Variants in DCTN4 observed in about 807,000 individuals in gnomAD.
DCTN4 encodes the protein dynactin subunit 4.
In DCTN4, 23 loss-of-function variants were observed where a neutral mutation model predicts 62.7. The observed-to-expected ratio is 0.37, with a 90% CI of 0.26 to 0.52. The LOEUF (loss-of-function observed/expected upper bound fraction) is 0.52, where lower values mean the gene tolerates loss of function less well. Ranked by LOEUF, DCTN4 falls within the 20% of genes least tolerant of loss-of-function variation. The probability of loss-of-function intolerance (pLI) is 0.92; values close to 1 mark genes in which losing one functional copy is unlikely to be tolerated. For synonymous variants in DCTN4, 199 were observed against 202.1 expected (o/e 0.98, Z 0.13); for missense variants, 514 against 580.4 (o/e 0.89, Z 1.18).
intron 5 of DCTN4, chr5:150,731,946 A>C (rs1439344742): frequency 1.3e-6 from 2 of 1,545,830 alleles, no homozygotes; most frequent in Non-Finnish European, 1.8e-6. Context: ...CAACAGAGAC[A>C]AAAAATGCAG....
chr5:150,728,386 G>A (rs1358381905), intron 8 of DCTN4, among the ~76,000 whole-genome samples: 1 of 151,918 alleles, frequency 6.6e-6, no homozygotes, highest in Non-Finnish European at 1.5e-5. Flanking sequence ...GCAGACATTG[G>A]GTACAGTAGT....
At chr5:150,741,696 G>A (rs1357685736) in intron 4 of DCTN4, among the ~76,000 whole-genome samples, 1 of 146,826 alleles carries the variant, frequency 6.8e-6, no homozygotes, top group Non-Finnish European at 1.5e-5. Flanking sequence ...TGCCCAGGCT[G>A]GTCTTGAACT....
intron 6 of DCTN4, 109 bp downstream of exon 6, chr5:150,731,307 C>T: frequency 9.1e-7 from 1 of 1,098,586 alleles, no homozygotes. Flanking sequence ...GTATGAGAAT[C>T]TTCTTTTCCA....
At chr5:150,728,243 TAATA>T (rs1305914282) in intron 8 of DCTN4, among the ~76,000 whole-genome samples, 7 of 152,214 alleles carry the variant, frequency 4.6e-5, no homozygotes, top group Admixed American at 6.5e-5. Flanking sequence ...CTTTTCTTGT[TAATA>T]AAAACTTTCT....
chr5:150,726,830 A>G (rs892264788), intron 8 of DCTN4, among the ~76,000 whole-genome samples: 2 of 152,246 alleles, frequency 1.3e-5, no homozygotes, highest in Non-Finnish European at 2.9e-5. Context: ...AGCTGTTCAC[A>G]TCTTACAAAT....
At position 150,731,990 on chromosome 5, in the gene DCTN4, G is replaced by A. The variant is rs1430732710; in HGVS notation, c.538-501C>T. 3.4e-6 allele frequency: 4 copies of A among 1,179,504 alleles called. No individual in the cohort carries two copies. The East Asian group carries it at 1.0e-4, about 30-fold the overall frequency. The allele number at this position is 1,179,504 out of a possible 1,614,324, so 73.1% of individuals were successfully genotyped here. ...AGAAGCAAACGCATATAGCAGGCAG[G>A]TTATATGGGAAAATTGGAAGAATAA... On this transcript the variant is annotated intron_variant, in intron 5 of 12. Coordinates refer to ENST00000447998, the MANE Select transcript of DCTN4 (RefSeq NM_016221.4).
chr5:150,714,431 TAC>T (rs138749706), intron 12 of DCTN4, among the ~76,000 whole-genome samples: 1,895 of 151,840 alleles, frequency 0.012, 36 homozygotes, highest in African/African-American at 0.042. Context: ...CAGGCTGGAG[TAC>T]AGTCACAATC....
At chr5:150,753,720 C>A in intron 2 of DCTN4, 63 bp from the exon 3 acceptor site, 2 of 1,504,606 alleles carry the variant, frequency 1.3e-6, no homozygotes, top group Non-Finnish European at 1.8e-6. Context: ...CAAGAGAGAA[C>A]AAATATAAGG....
chr5:150,729,504 C>A (rs1339704438), intron 8 of DCTN4, among the ~76,000 whole-genome samples: 4 of 151,884 alleles, frequency 2.6e-5, no homozygotes, highest in Non-Finnish European at 5.9e-5. Flanking sequence ...ATATCAGAGA[C>A]CAAGTCATTT....
chr5:150,730,816 C>T (rs751553050), intron 7 of DCTN4, 76 bp from the exon 8 acceptor site: 16 of 1,196,388 alleles, frequency 1.3e-5, no homozygotes, highest in Middle Eastern at 2.0e-4. Context: ...AGTAATTACA[C>T]GAAGCATTAC....
At chr5:150,758,640 C>A (rs1752950074) in intron 1 of DCTN4, 3 of 1,244,974 alleles carry the variant, frequency 2.4e-6, no homozygotes, top group Non-Finnish European at 3.1e-6. Context: ...CAATCAGAGG[C>A]CGCTCTAGAA....
At chr5:150,749,245 A>G (rs77915427) in intron 3 of DCTN4, among the ~76,000 whole-genome samples, 12,583 of 152,278 alleles carry the variant, frequency 0.083, 694 homozygotes, top group East Asian at 0.24. Context: ...TAGAACTCTT[A>G]TAACTCAGTT....
intron 12 of DCTN4, among the ~76,000 whole-genome samples, 186 bp from the exon 13 acceptor site, chr5:150,711,548 C>T (rs1445942528): frequency 6.6e-6 from 1 of 152,192 alleles, no homozygotes; most frequent in East Asian, 1.9e-4. Context: ...CTCTGTCGCC[C>T]AGGCTGGAGT....
At chr5:150,741,521 C>A (rs1760770259) in intron 4 of DCTN4, among the ~76,000 whole-genome samples, 1 of 151,122 alleles carries the variant, frequency 6.6e-6, no homozygotes, top group Non-Finnish European at 1.5e-5. Context: ...TGCTCTATTG[C>A]CTAGGATGGA....
chr5:150,746,098 G>A (rs1760951064), intron 3 of DCTN4, among the ~76,000 whole-genome samples: 1 of 150,756 alleles, frequency 6.6e-6, no homozygotes, highest in Admixed American at 6.6e-5. Flanking sequence ...AATAAAAAAT[G>A]ATAAAGGGGA....
chr5:150,733,540 T>C lies in DCTN4; in HGVS notation c.430-65A>G, dbSNP rs983393221. On this transcript the variant is annotated intron_variant, in intron 4 of 12. Coordinates refer to ENST00000447998, the MANE Select transcript of DCTN4 (RefSeq NM_016221.4). ...CAGAAAACATATCAAATTAATCAAC[T>C]ACACTGACTAGACACATAATGAATA... 1.8e-5 allele frequency: 20 copies of C among 1,140,400 alleles called. No individual in the cohort carries two copies. In the African/African-American group the frequency reaches 2.9e-4, roughly 17 times the overall value. 70.6% of individuals were successfully genotyped at this position (1,140,400 alleles called of 1,614,324 possible).
intron 4 of DCTN4, among the ~76,000 whole-genome samples, chr5:150,737,067 C>T (rs531156712): frequency 4.6e-5 from 7 of 152,228 alleles, no homozygotes; most frequent in Middle Eastern, 6.8e-3. Context: ...GGAAATATCA[C>T]AATCCTAAAT....
chr5:150,740,358 A>G (rs1159800010), intron 4 of DCTN4, among the ~76,000 whole-genome samples: 2 of 152,094 alleles, frequency 1.3e-5, no homozygotes, highest in Non-Finnish European at 2.9e-5. Context: ...TGAAGATCTA[A>G]ACCACTCCTG....
At chr5:150,742,221 A>G (rs1472749820) in intron 3 of DCTN4, 64 bp from the exon 4 acceptor site, 1 of 1,498,182 alleles carries the variant, frequency 6.7e-7, no homozygotes, top group Non-Finnish European at 9.3e-7. Context: ...TCATAAAACA[A>G]GTCTTCTGTA....
Sources: gnomAD v4.1 joint callset for allele counts (sites outside exome capture counted in the v4.1 genomes callset) on GRCh38, gnomAD v4.1.1 for gene constraint, MANE v1.5 for transcripts, NCBI Gene and HGNC (gene_info 2026-07-23, HGNC 2026-07-21) for gene names.